Variants in XKR6 observed in about 807,000 individuals in gnomAD.
The protein encoded by XKR6 is XK-related protein 6.
XKR6 carries 22 observed loss-of-function variants against 56.7 expected under a neutral mutation model. That is an observed-to-expected ratio of 0.39 (90% confidence interval 0.28 to 0.55). The LOEUF is 0.55. Ranked by LOEUF, XKR6 falls within the 20% of genes least tolerant of loss-of-function variation. XKR6 has a pLI of 0.66. For synonymous variants in XKR6, 524 were observed against 387.8 expected, an observed-to-expected ratio of 1.35 and a Z score of -4.13; for missense variants, 852 against 889.0, an observed-to-expected ratio of 0.96 and a Z score of 0.53.
chr8:11,192,004 T>C (rs1219887778), intron 1 of XKR6, among the ~76,000 whole-genome samples: 1 of 152,206 alleles, frequency 6.6e-6, no homozygotes, highest in South Asian at 2.1e-4. Context: ...ATGTGTTAAA[T>C]ACACACACAT....
At chr8:11,193,035 T>C (rs1803667070) in intron 1 of XKR6, among the ~76,000 whole-genome samples, 1 of 152,212 alleles carries the variant, frequency 6.6e-6, no homozygotes. Flanking sequence ...GTGATATGAA[T>C]GTTTTAGCTC....
chr8:10,928,010 A>G (rs983999079), intron 1 of XKR6, among the ~76,000 whole-genome samples: 1 of 152,064 alleles, frequency 6.6e-6, no homozygotes, highest in Non-Finnish European at 1.5e-5. Context: ...CATCCTTTCC[A>G]ACTGCTCCCG....
At chr8:10,962,829 G>C (rs1802103576) in intron 1 of XKR6, among the ~76,000 whole-genome samples, 1 of 152,054 alleles carries the variant, frequency 6.6e-6, no homozygotes, top group South Asian at 2.1e-4. Context: ...CACCATATTG[G>C]TCAGGCTGGT....
At chr8:11,030,765 C>G (rs1244185493) in intron 1 of XKR6, among the ~76,000 whole-genome samples, 1 of 152,110 alleles carries the variant, frequency 6.6e-6, no homozygotes, top group Non-Finnish European at 1.5e-5. Flanking sequence ...CTCTCCTAGG[C>G]GTGGAGGGTG....
At chr8:11,135,309 G>A (rs1013732617) in intron 1 of XKR6, among the ~76,000 whole-genome samples, 6 of 152,130 alleles carry the variant, frequency 3.9e-5, no homozygotes, top group East Asian at 1.9e-4. Flanking sequence ...GATTACAGGC[G>A]TGAGCCACCA....
At chr8:11,166,500 G>A (rs1344409308) in intron 1 of XKR6, among the ~76,000 whole-genome samples, 5 of 152,116 alleles carry the variant, frequency 3.3e-5, no homozygotes, top group Non-Finnish European at 5.9e-5. Context: ...GATGGACTAA[G>A]ACATCACAAA....
At chr8:11,047,363 TATTTTTCA>T (rs1799436091) in intron 1 of XKR6, among the ~76,000 whole-genome samples, 2 of 152,242 alleles carry the variant, frequency 1.3e-5, no homozygotes, top group Non-Finnish European at 2.9e-5. Context: ...AAGAATATTT[TATTTTTCA>T]ATTTTTCATC....
At chr8:10,903,619 G>T (rs1010776478) in intron 2 of XKR6, among the ~76,000 whole-genome samples, 1 of 152,140 alleles carries the variant, frequency 6.6e-6, no homozygotes, top group Non-Finnish European at 1.5e-5. Flanking sequence ...GGCCGTTAGG[G>T]TGGGCCCTAA....
At chr8:10,903,513 C>G (rs143806711) in intron 2 of XKR6, among the ~76,000 whole-genome samples, 3 of 152,116 alleles carry the variant, frequency 2.0e-5, no homozygotes, top group South Asian at 4.1e-4. Context: ...GTGTCCCCCC[C>G]ACAAAATCCA....
At chr8:11,137,337 G>C (rs144633338) in intron 1 of XKR6, 3 of 317,376 alleles carry the variant, frequency 9.5e-6, no homozygotes, top group East Asian at 8.7e-5. Flanking sequence ...GTGAGAAAAA[G>C]AAAACAATTA....
rs116850613 is a variant in XKR6 at position 11,138,054 on chromosome 8, C to T, written c.764+62522G>A. On this transcript the variant is annotated intron_variant, in intron 1 of 2. Coordinates refer to ENST00000416569, the MANE Select transcript of XKR6 (RefSeq NM_173683.4). Reference sequence around the variant, plus strand: ...TGGGATCCTCCATCGCTGTCTTCAACGTAAACAACATTCTTAGGGAGAATG... The same window carrying T: ...TGGGATCCTCCATCGCTGTCTTCAATGTAAACAACATTCTTAGGGAGAATG... 842 of 219,340 alleles carry T rather than the reference C, an allele frequency of 3.8e-3. 4 individuals carry two copies. The highest frequency in any genetic ancestry group is 0.014 in the Middle Eastern group (8 of 556). 13.6% of individuals were successfully genotyped at this position (219,340 alleles called of 1,614,324 possible). A position where few individuals can be genotyped will look rare whatever the true frequency, so the allele number is the denominator to read the frequency against.
At chr8:11,008,932 G>C (rs1470956873) in intron 1 of XKR6, among the ~76,000 whole-genome samples, 1 of 152,146 alleles carries the variant, frequency 6.6e-6, no homozygotes, top group East Asian at 1.9e-4. Context: ...GAAATCTCTT[G>C]ACATGCACAA....
chr8:11,008,910 C>T (rs1158212016), intron 1 of XKR6, among the ~76,000 whole-genome samples: 1 of 152,156 alleles, frequency 6.6e-6, no homozygotes, highest in Non-Finnish European at 1.5e-5. Flanking sequence ...TCACCCTCTA[C>T]CAAGGCTGAG....
intron 1 of XKR6, among the ~76,000 whole-genome samples, chr8:11,152,003 C>T (rs1801294112): frequency 6.6e-6 from 1 of 152,122 alleles, no homozygotes. Context: ...AAGAAAAAGG[C>T]AAACAATAGT....
chr8:11,042,077 G>A (rs946387575), intron 1 of XKR6, among the ~76,000 whole-genome samples: 1 of 152,116 alleles, frequency 6.6e-6, no homozygotes, highest in Non-Finnish European at 1.5e-5. Context: ...AAGTACACAT[G>A]CACCTGTCTG....
At chr8:10,991,138 A>G (rs893167377) in intron 1 of XKR6, among the ~76,000 whole-genome samples, 6 of 152,066 alleles carry the variant, frequency 3.9e-5, no homozygotes, top group Non-Finnish European at 7.4e-5. Context: ...TCCTGACCTC[A>G]GGTGATCCAC....
chr8:10,956,755 C>T (rs1299575982), intron 1 of XKR6, among the ~76,000 whole-genome samples: 1 of 152,204 alleles, frequency 6.6e-6, no homozygotes. Context: ...TGCCCCTTTG[C>T]ACCTCTGCTG....
chr8:11,113,693 T>A (rs1323878700), intron 1 of XKR6, among the ~76,000 whole-genome samples: 2 of 152,198 alleles, frequency 1.3e-5, no homozygotes, highest in Non-Finnish European at 2.9e-5. Context: ...CAACTCCTAA[T>A]GGCTCAGGTT....
At position 11,137,517 on chromosome 8, in the gene XKR6, G is replaced by A. The variant is rs17152909; in HGVS notation, c.764+63059C>T. ...CTCTGCTACACTAACCTAGGAGACG[G>A]CCAGGCAACTGCTGCGGTATACCCA... On this transcript the variant is annotated intron_variant, in intron 1 of 2. Transcript: ENST00000416569. The A allele has an allele frequency of 7.8e-3, 3,570 of 455,712 alleles. 108 individuals carry two copies. Among genetic ancestry groups the A allele is most frequent in the African/African-American group, 0.066 (3,300 of 50,092 alleles). 28.2% of individuals were successfully genotyped at this position (455,712 alleles called of 1,614,324 possible).
Sources: allele counts gnomAD v4.1 joint callset (sites outside exome capture counted in the v4.1 genomes callset), GRCh38; gene constraint gnomAD v4.1.1; transcripts MANE v1.5; gene names NCBI Gene and HGNC (gene_info 2026-07-23, HGNC 2026-07-21).